Variants in HYCC1 observed in about 807,000 individuals in gnomAD.
The protein encoded by HYCC1 is hyccin.
At chr7:22,930,239 G>A in the HYCC1 span, among the ~76,000 whole-genome samples, 4 of 150,806 alleles carry the variant, frequency 2.7e-5, no homozygotes, top group Admixed American at 2.0e-4. Context: ...TATACCTAAT[G>A]CTAAATGATG....
At chr7:22,905,316 T>C in the HYCC1 span, among the ~76,000 whole-genome samples, 15 of 151,394 alleles carry the variant, frequency 9.9e-5, no homozygotes, top group African/African-American at 3.2e-4. Flanking sequence ...GCGATTCTCC[T>C]GTCTCAGCCT....
At chr7:22,961,055 GA>G in the HYCC1 span, among the ~76,000 whole-genome samples, 1 of 151,918 alleles carries the variant, frequency 6.6e-6, no homozygotes, top group Non-Finnish European at 1.5e-5. Flanking sequence ...CCGTCTCAAA[GA>G]AAATTTAAAA....
chr7:22,977,967 T>C, the HYCC1 span, among the ~76,000 whole-genome samples: 4 of 152,220 alleles, frequency 2.6e-5, no homozygotes, highest in African/African-American at 4.8e-5. Context: ...AGATCATTTA[T>C]AGACAATGGA....
At chr7:22,925,086 C>A in the HYCC1 span, among the ~76,000 whole-genome samples, 1 of 152,296 alleles carries the variant, frequency 6.6e-6, no homozygotes, top group African/African-American at 2.4e-5. Context: ...TGAAGTGGAC[C>A]TCCAGTAAAC....
chr7:22,926,288 A>C, the HYCC1 span, among the ~76,000 whole-genome samples: 3 of 152,134 alleles, frequency 2.0e-5, no homozygotes, highest in Non-Finnish European at 2.9e-5. Context: ...CGAGCAAAAT[A>C]ACCAGCTAAC....
the HYCC1 span, among the ~76,000 whole-genome samples, chr7:22,903,839 C>G: frequency 1.8e-3 from 271 of 152,130 alleles, 1 homozygote; most frequent in South Asian, 0.011. Flanking sequence ...AATATCATAA[C>G]CTGGCCAGAG....
At chr7:22,971,226 C>T in the HYCC1 span, among the ~76,000 whole-genome samples, 1 of 149,348 alleles carries the variant, frequency 6.7e-6, no homozygotes, top group Non-Finnish European at 1.5e-5. Context: ...AGACCAGAAC[C>T]AAAAGTAGAA....
At chr7:22,932,099 C>T in the HYCC1 span, among the ~76,000 whole-genome samples, 96,053 of 151,924 alleles carry the variant, frequency 0.63, 30,476 homozygotes, top group Non-Finnish European at 0.66. Flanking sequence ...ATGAGATATG[C>T]GACTTACAAA....
the HYCC1 span, among the ~76,000 whole-genome samples, chr7:23,013,114 T>C: frequency 0.032 from 4,799 of 152,268 alleles, 106 homozygotes; most frequent in Non-Finnish European, 0.044. Context: ...AAAGCACACA[T>C]GTGCAAGCTG....
chr7:22,975,378 A>G, the HYCC1 span, among the ~76,000 whole-genome samples: 50 of 152,346 alleles, frequency 3.3e-4, no homozygotes, highest in East Asian at 9.6e-3. Flanking sequence ...CATACCATAC[A>G]TACTATCATT....
At chr7:22,930,347 TA>T in the HYCC1 span, among the ~76,000 whole-genome samples, 74,462 of 114,584 alleles carry the variant, frequency 0.65, 21,312 homozygotes, top group Admixed American at 0.67. Context: ...GTATAATAAT[TA>T]AAAAAAAAAA....
the HYCC1 span, among the ~76,000 whole-genome samples, chr7:23,010,533 T>C: frequency 6.6e-6 from 1 of 152,226 alleles, no homozygotes; most frequent in East Asian, 1.9e-4. Flanking sequence ...GAAAAGATTA[T>C]AAAGGCACAC....
At chr7:22,971,445 C>A in the HYCC1 span, among the ~76,000 whole-genome samples, 2 of 150,982 alleles carry the variant, frequency 1.3e-5, no homozygotes, top group Admixed American at 1.3e-4. Context: ...GAGGCTGAGG[C>A]CCCCAGAGTG....
chr7:22,989,847 G>A, the HYCC1 span, among the ~76,000 whole-genome samples: 217 of 152,158 alleles, frequency 1.4e-3, no homozygotes, highest in African/African-American at 5.0e-3. Flanking sequence ...AACAGGAAAC[G>A]GTGCTTTTCC....
chr7:22,897,389 T>C, the HYCC1 span, among the ~76,000 whole-genome samples: 1 of 152,142 alleles, frequency 6.6e-6, no homozygotes, highest in African/African-American at 2.4e-5. Context: ...CTGGTTGATT[T>C]TGTCAAGAGT....
the HYCC1 span, among the ~76,000 whole-genome samples, chr7:22,999,077 T>C: frequency 1.3e-5 from 2 of 152,286 alleles, no homozygotes; most frequent in Admixed American, 1.3e-4. Context: ...ACTGCATCTG[T>C]GAACCAAAAC....
the HYCC1 span, among the ~76,000 whole-genome samples, chr7:22,990,189 A>T: frequency 6.6e-6 from 1 of 152,222 alleles, no homozygotes; most frequent in Non-Finnish European, 1.5e-5. Flanking sequence ...TGTTCACCCC[A>T]TTATAAATAG....
At chr7:22,898,450 G>C in the HYCC1 span, among the ~76,000 whole-genome samples, 2 of 151,920 alleles carry the variant, frequency 1.3e-5, no homozygotes, top group African/African-American at 2.4e-5. Context: ...CTGATCTCAT[G>C]ATCTGCCTGA....
At chr7:22,955,002 G>T in the HYCC1 span, among the ~76,000 whole-genome samples, 1 of 151,332 alleles carries the variant, frequency 6.6e-6, no homozygotes, top group East Asian at 1.9e-4. Flanking sequence ...ATTAACTTGG[G>T]ATTGAAACAA....
Sources: allele counts gnomAD v4.1 joint callset (sites outside exome capture counted in the v4.1 genomes callset), GRCh38; gene constraint gnomAD v4.1.1; transcripts MANE v1.5; gene names NCBI Gene and HGNC (gene_info 2026-07-23, HGNC 2026-07-21).